Variants in ITGB8 observed in about 807,000 individuals in gnomAD.
ITGB8 encodes integrin subunit beta 8.
Under a neutral mutation model 89.5 loss-of-function variants are expected in ITGB8, and 30 were observed. The ratio of observed to expected loss-of-function variants is 0.34; its 90% CI spans 0.25 to 0.45. The LOEUF (loss-of-function observed/expected upper bound fraction) is 0.45, where lower values mean the gene tolerates loss of function less well. ITGB8 is among the 20% of genes least tolerant of loss of function. The pLI is 1.00. For missense variants in ITGB8, 836 were observed against 933.3 expected, an observed-to-expected ratio of 0.90 and a Z score of 1.36; for synonymous variants, 335 against 320.4, an observed-to-expected ratio of 1.05 and a Z score of -0.49.
intron 10 of ITGB8, among the ~76,000 whole-genome samples, chr7:20,403,453 G>A (rs1295442385): frequency 2.6e-5 from 4 of 152,186 alleles, no homozygotes; most frequent in Non-Finnish European, 5.9e-5. Flanking sequence ...AAGCAGTTGA[G>A]AATCTGCTTT....
At chr7:20,340,796 GAGGGA>G (rs1784732445) in intron 1 of ITGB8, among the ~76,000 whole-genome samples, 1 of 152,186 alleles carries the variant, frequency 6.6e-6, no homozygotes, top group Non-Finnish European at 1.5e-5. Flanking sequence ...CTTATGGAAT[GAGGGA>G]TTACCACTAT....
In ITGB8 at chr7:20,401,685, TATATAA is replaced by T. The variant is rs757424372; in HGVS notation, c.1282-30_1282-25del. 4.1e-6 allele frequency: 5 copies of T among 1,233,660 alleles called. No homozygotes were observed. The Admixed American group carries it at 7.4e-5, about 18-fold the overall frequency. The allele number at this position is 1,233,660 out of a possible 1,614,324, so 76.4% of individuals were successfully genotyped here. ...ATATTGGTAATAAAAATAATTAAGG[TATATAA>T]ATATATTTCCTTTTTCCTCCTAAAT... is the stretch of plus-strand genomic sequence containing the variant. On this transcript the variant is annotated intron_variant, in intron 9 of 13. Coordinates refer to ENST00000222573, the MANE Select transcript of ITGB8 (RefSeq NM_002214.3).
chr7:20,389,793 G>A (rs1786779477), intron 6 of ITGB8, among the ~76,000 whole-genome samples: 1 of 151,146 alleles, frequency 6.6e-6, no homozygotes. Context: ...CCTTTCATTA[G>A]GAACAAGTAA....
At chr7:20,359,676 AGT>A (rs113038619) in intron 1 of ITGB8, among the ~76,000 whole-genome samples, 4 of 151,184 alleles carry the variant, frequency 2.6e-5, no homozygotes, top group Admixed American at 1.3e-4. Flanking sequence ...AAGGAGAGAG[AGT>A]GTGTGTGTGT....
chr7:20,370,379 G>C (rs1785879107), intron 3 of ITGB8, among the ~76,000 whole-genome samples: 1 of 151,300 alleles, frequency 6.6e-6, no homozygotes, highest in Non-Finnish European at 1.5e-5. Flanking sequence ...ACTCAAGATA[G>C]AGAACCCTAA....
At chr7:20,332,925 CTT>C (rs34506325) in intron 1 of ITGB8, among the ~76,000 whole-genome samples, 5 of 142,970 alleles carry the variant, frequency 3.5e-5, no homozygotes, top group Admixed American at 1.4e-4. Flanking sequence ...GTCATACTTT[CTT>C]TTTTTTTTTT....
chr7:20,349,681 AAACAAC>A (rs929060695), intron 1 of ITGB8, among the ~76,000 whole-genome samples: 3 of 152,098 alleles, frequency 2.0e-5, no homozygotes, highest in Non-Finnish European at 4.4e-5. Context: ...AATCTGTATT[AAACAAC>A]AACAACAACA....
intron 1 of ITGB8, 142 bp from the exon 2 acceptor site, chr7:20,363,495 T>C: frequency 2.2e-6 from 1 of 462,736 alleles, no homozygotes; most frequent in Admixed American, 4.0e-5. Context: ...TATATATCTT[T>C]GTTGTCAGAT....
At chr7:20,329,941 A>G (rs1222344398), upstream of ITGB8, among the ~76,000 whole-genome samples, 1 of 152,048 alleles carries the variant, frequency 6.6e-6, no homozygotes, top group African/African-American at 2.4e-5. Context: ...CCCGCACCCT[A>G]CTTGCACCTA....
intron 8 of ITGB8, 38 bp from the exon 9 acceptor site, chr7:20,398,822 C>G (rs1307074121): frequency 6.3e-6 from 9 of 1,435,828 alleles, no homozygotes; most frequent in Non-Finnish European, 8.3e-6. Flanking sequence ...ACATTTGAAA[C>G]TACTCTCGTA....
intron 6 of ITGB8, among the ~76,000 whole-genome samples, chr7:20,386,631 G>A (rs1475484965): frequency 2.6e-5 from 4 of 151,868 alleles, no homozygotes; most frequent in African/African-American, 9.7e-5. Flanking sequence ...AGAGTGGCCT[G>A]GAAAGGATTT....
chr7:20,376,296 G>A (rs1786141352), intron 3 of ITGB8, among the ~76,000 whole-genome samples: 1 of 152,116 alleles, frequency 6.6e-6, no homozygotes, highest in African/African-American at 2.4e-5. Flanking sequence ...CCTGAAATGG[G>A]TCATAGTACT....
chr7:20,331,690 C>T lies in ITGB8; in HGVS notation c.-117C>T. ...CGAGCCGCGGGGTCCGCCTGCTAGGCCTGCGGAAAACGTCCTAGCGACACT... is the reference window on the plus strand; with the variant it reads ...CGAGCCGCGGGGTCCGCCTGCTAGGTCTGCGGAAAACGTCCTAGCGACACT... On this transcript the variant is annotated 5_prime_UTR_variant, in exon 1 of 14. Transcript: ENST00000222573. The T allele has an allele frequency of 7.9e-7, 1 of 1,265,276 alleles. No individual in the cohort carries two copies. Among genetic ancestry groups the T allele is most frequent in the Non-Finnish European group, 1.1e-6 (1 of 951,250 alleles). The allele number at this position is 1,265,276 out of a possible 1,614,324, so 78.4% of individuals were successfully genotyped here. A position where few individuals can be genotyped will look rare whatever the true frequency, so the allele number is the denominator to read the frequency against.
rs1398843627 is a variant in ITGB8 at position 20,412,370 on chromosome 7, T to C, written c.*2373T>C. 2.0e-5 allele frequency: 3 copies of C among 152,500 alleles called. No homozygotes were observed. The highest frequency in any genetic ancestry group is 4.4e-5 in the Non-Finnish European group (3 of 68,014). The allele number at this position is 152,500 out of a possible 1,614,324, so 9.4% of individuals were successfully genotyped here. A position where few individuals can be genotyped will look rare whatever the true frequency, so the allele number is the denominator to read the frequency against. ...ATAACGTTCTTCTTAAAAAGGAAAATGGATGGATGCCTGACAACCCTCCAA... is the reference window on the plus strand; with the variant it reads ...ATAACGTTCTTCTTAAAAAGGAAAACGGATGGATGCCTGACAACCCTCCAA... On this transcript the variant is annotated 3_prime_UTR_variant, in exon 14 of 14. Transcript: ENST00000222573.
intron 3 of ITGB8, among the ~76,000 whole-genome samples, chr7:20,370,030 G>A (rs1261631377): frequency 1.3e-5 from 2 of 150,998 alleles, no homozygotes; most frequent in African/African-American, 4.9e-5. Flanking sequence ...GATATAAGAA[G>A]AAGATAAACA....
intron 1 of ITGB8, among the ~76,000 whole-genome samples, chr7:20,358,091 G>A (rs542293312): frequency 7.9e-5 from 12 of 152,158 alleles, no homozygotes; most frequent in Middle Eastern, 3.4e-3. Flanking sequence ...TCAGCCTCCC[G>A]AGTAGCTGGG....
At position 20,399,175 on chromosome 7, in the gene ITGB8, T is replaced by C. The variant is rs895585998; in HGVS notation, c.1281+181T>C. 16 of 597,406 alleles carry C rather than the reference T, an allele frequency of 2.7e-5. 1 individual carries two copies. The East Asian group carries it at 4.7e-4, about 18-fold the overall frequency. The allele number at this position is 597,406 out of a possible 1,614,324, so 37.0% of individuals were successfully genotyped here. A position where few individuals can be genotyped will look rare whatever the true frequency, so the allele number is the denominator to read the frequency against. ...TTCCTACTTGTTTTAGCTCAGCTGATTGTTCTCTCCAACTCTCAGGTTTTA... is the reference window on the plus strand; with the variant it reads ...TTCCTACTTGTTTTAGCTCAGCTGACTGTTCTCTCCAACTCTCAGGTTTTA... On this transcript the variant is annotated intron_variant, in intron 9 of 13. Coordinates refer to ENST00000222573, the MANE Select transcript of ITGB8 (RefSeq NM_002214.3).
intron 6 of ITGB8, 127 bp from the exon 7 acceptor site, chr7:20,391,276 T>G (rs955897371): frequency 2.2e-6 from 1 of 447,658 alleles, no homozygotes. Context: ...TTAAATGTCT[T>G]CAGTAAAACC....
chr7:20,366,655 C>A, intron 2 of ITGB8: 1 of 202,196 alleles, frequency 4.9e-6, no homozygotes, highest in Non-Finnish European at 9.8e-6. Context: ...GTCCCAGCTA[C>A]TCGGGAGGCT....
Sources: allele counts gnomAD v4.1 joint callset (sites outside exome capture counted in the v4.1 genomes callset), GRCh38; gene constraint gnomAD v4.1.1; transcripts MANE v1.5; gene names NCBI Gene and HGNC (gene_info 2026-07-23, HGNC 2026-07-21).